Variants in PEAK1 observed in about 807,000 individuals in gnomAD.
PEAK1 encodes pseudopodium enriched atypical kinase 1, also known as inactive tyrosine-protein kinase PEAK1.
A neutral mutation model predicts 124.7 loss-of-function variants in PEAK1; 54 were observed. The ratio of observed to expected loss-of-function variants is 0.43; its 90% CI spans 0.35 to 0.54. PEAK1 has a LOEUF of 0.54. Among genes scored for constraint, PEAK1 ranks in the 20% least tolerant of loss-of-function variants. The pLI is 0.01. For missense variants in PEAK1, 2,046 were observed against 2,134.5 expected (o/e 0.96, Z 0.82); for synonymous variants, 719 against 760.0 (o/e 0.95, Z 0.89).
Position 77,179,529 on chromosome 15 carries a change from G to A in PEAK1, c.2398C>T (p.Pro800Ser). 2 of 1,614,164 alleles carry A rather than the reference G, an allele frequency of 1.2e-6. No homozygotes were observed. Among genetic ancestry groups the A allele is most frequent in the Non-Finnish European group, 1.7e-6 (2 of 1,180,000 alleles). ...CTCTTAGCAACATCAGCATCTGGAGGAATGGCATAAAGCTCTTCCACACTG... is the reference window on the plus strand; with the variant it reads ...CTCTTAGCAACATCAGCATCTGGAGAAATGGCATAAAGCTCTTCCACACTG... ...ACSVEELYAI[P>S]PDADVAKSTP... The change falls in exon 7 of 10, where the codon CCT becomes TCT. Residue 800 changes from proline to serine, a missense_variant. Pro to Ser is a moderately conservative substitution (Grantham distance 74). Coordinates refer to ENST00000682557, the MANE Select transcript of PEAK1 (RefSeq NM_001385026.1).
intron 2 of PEAK1, chr15:77,337,819 C>T (rs945119106): frequency 4.1e-6 from 4 of 985,174 alleles, no homozygotes; most frequent in East Asian, 1.1e-4. Flanking sequence ...GCTACTTTAG[C>T]GTTTCATGCA....
intron 6 of PEAK1, among the ~76,000 whole-genome samples, chr15:77,195,085 ATAAT>A (rs1404861688): frequency 6.6e-6 from 1 of 152,054 alleles, no homozygotes; most frequent in Non-Finnish European, 1.5e-5. Flanking sequence ...TAATTATAAA[ATAAT>A]TACTCTTTAT....
At chr15:77,291,772 T>C (rs989529368) in intron 2 of PEAK1, among the ~76,000 whole-genome samples, 3 of 151,930 alleles carry the variant, frequency 2.0e-5, no homozygotes, top group African/African-American at 7.3e-5. Flanking sequence ...GGTCAGGAGA[T>C]CGAGACCATC....
Position 77,114,177 on chromosome 15 carries a change from C to T in PEAK1, c.5220G>A (p.Val1740=), listed in dbSNP as rs767270694. ...FATTDSLSCI[V]KILQHR is the part of the protein sequence containing the mutation. ...CACATTAACGGTGCTGCAGAATTTTCACAATACAACTGAGGGAGTCTGTAG... is the reference window on the plus strand; with the variant it reads ...CACATTAACGGTGCTGCAGAATTTTTACAATACAACTGAGGGAGTCTGTAG... The change falls in exon 10 of 10, where the codon GTG becomes GTA. Residue 1740 remains valine, a synonymous_variant. Transcript: ENST00000682557. 6.2e-7 allele frequency: 1 copy of T among 1,613,932 alleles called. No individual in the cohort carries two copies. The highest frequency in any genetic ancestry group is 2.2e-5 in the East Asian group (1 of 44,872).
chr15:77,244,491 T>C (rs2060491380), intron 6 of PEAK1, among the ~76,000 whole-genome samples: 2 of 152,138 alleles, frequency 1.3e-5, no homozygotes, highest in Admixed American at 1.3e-4. Flanking sequence ...TGAATATAGG[T>C]ATTTACTGCC....
chr15:77,235,253 G>C (rs1200302199), intron 6 of PEAK1, among the ~76,000 whole-genome samples: 1 of 151,964 alleles, frequency 6.6e-6, no homozygotes, highest in Non-Finnish European at 1.5e-5. Context: ...AGTGACTTTG[G>C]AACTGGGTAA....
At chr15:77,152,465 T>C (rs530684802) in intron 8 of PEAK1, among the ~76,000 whole-genome samples, 4 of 152,248 alleles carry the variant, frequency 2.6e-5, no homozygotes, top group South Asian at 2.1e-4. Context: ...CTTTTCCTAA[T>C]TGAATACCCT....
intron 2 of PEAK1, among the ~76,000 whole-genome samples, chr15:77,359,629 A>G (rs780764749): frequency 9.2e-5 from 14 of 152,228 alleles, no homozygotes; most frequent in Non-Finnish European, 1.8e-4. Flanking sequence ...AAAAATCATT[A>G]TATTTCTATA....
rs2051157060 is a variant in PEAK1, at chr15:77,114,295, A to C, written c.5102T>G (p.Leu1701Arg). 2 of 1,614,204 alleles carry C rather than the reference A, an allele frequency of 1.2e-6. No homozygotes were observed. The highest frequency in any genetic ancestry group is 1.3e-5 in the African/African-American group (1 of 75,064). ...CTTCTCAGCAAACTTGATCATGAGC[A>C]GTGTTCGCTTGATGTCTAGCCAGTT... ...LQNWLDIKRT[L>R]LMIKFAEKSL... Residue 1701 changes from leucine to arginine, a missense_variant, in exon 10 of 10, where the codon CTG becomes CGG. Coordinates refer to ENST00000682557, the MANE Select transcript of PEAK1 (RefSeq NM_001385026.1).
chr15:77,105,959 G>A (rs537805224), downstream of PEAK1: 1 of 152,368 alleles, frequency 6.6e-6, no homozygotes, highest in South Asian at 2.1e-4. Flanking sequence ...ATGGGGAAGG[G>A]GAATAGGATA....
At chr15:77,345,315 C>A (rs1161496532) in intron 2 of PEAK1, among the ~76,000 whole-genome samples, 2 of 152,118 alleles carry the variant, frequency 1.3e-5, no homozygotes, top group Non-Finnish European at 1.5e-5. Context: ...TTTTGCCCTT[C>A]ATTCAACTGG....
rs144478758 is a variant in PEAK1 at position 77,399,996 on chromosome 15, T to C, written c.-666+20010A>G. On this transcript the variant is annotated intron_variant, in intron 1 of 9. Coordinates refer to ENST00000682557, the MANE Select transcript of PEAK1 (RefSeq NM_001385026.1). ...AAAATCTAATAATCTGATTTTAAAA[T>C]GGGCAAAAGATCTCTATAGATATTT... Among the ~76,000 whole-genome samples the C allele has an allele frequency of 6.4e-4, 98 of 152,276 alleles. 1 individual carries two copies. The highest frequency in any genetic ancestry group is 2.3e-3 in the African/African-American group (97 of 41,570).
intron 6 of PEAK1, among the ~76,000 whole-genome samples, chr15:77,202,664 G>T (rs915662530): frequency 1.3e-5 from 2 of 150,426 alleles, no homozygotes; most frequent in Non-Finnish European, 3.0e-5. Context: ...CAGCTACTCA[G>T]GAGGCTGAGG....
At chr15:77,174,622 G>A (rs1461216765) in intron 7 of PEAK1, among the ~76,000 whole-genome samples, 1 of 152,108 alleles carries the variant, frequency 6.6e-6, no homozygotes, top group African/African-American at 2.4e-5. Flanking sequence ...CTTAGTCTGG[G>A]ACATTATGAA....
At chr15:77,261,649 T>C (rs1246578867) in intron 5 of PEAK1, among the ~76,000 whole-genome samples, 1 of 152,124 alleles carries the variant, frequency 6.6e-6, no homozygotes, top group Non-Finnish European at 1.5e-5. Context: ...TACCTGAAAG[T>C]GACGGGGAGA....
chr15:77,377,460 T>TC (rs1404688173), intron 1 of PEAK1, among the ~76,000 whole-genome samples: 1 of 151,800 alleles, frequency 6.6e-6, no homozygotes, highest in African/African-American at 2.4e-5. Flanking sequence ...TATACTCTTT[T>TC]TTTTTTTTTT....
intron 6 of PEAK1, among the ~76,000 whole-genome samples, chr15:77,182,748 TCAAA>T (rs1217501141): frequency 1.5e-4 from 2 of 12,918 alleles, no homozygotes; most frequent in Non-Finnish European, 3.0e-4. Flanking sequence ...AGACCTTGTC[TCAAA>T]AAAAAAAAAA....
intron 7 of PEAK1, among the ~76,000 whole-genome samples, chr15:77,163,556 G>C (rs975619015): frequency 6.6e-6 from 1 of 152,200 alleles, no homozygotes; most frequent in African/African-American, 2.4e-5. Flanking sequence ...GTTCAAGACA[G>C]ATTTTTGTAA....
chr15:77,232,314 A>AACAC (rs3071161), intron 6 of PEAK1, among the ~76,000 whole-genome samples: 85 of 150,120 alleles, frequency 5.7e-4, no homozygotes, highest in Admixed American at 2.3e-3. Flanking sequence ...AGTGTCAGGA[A>AACAC]ACACACACAC....
Sources: allele counts gnomAD v4.1 joint callset (sites outside exome capture counted in the v4.1 genomes callset), GRCh38; gene constraint gnomAD v4.1.1; transcripts MANE v1.5; gene names NCBI Gene and HGNC (gene_info 2026-07-23, HGNC 2026-07-21).